The following PTPRK variants were observed in gnomAD, a reference collection of about 807,000 sequenced individuals.
The protein encoded by PTPRK is protein tyrosine phosphatase receptor type K, also known as receptor-type tyrosine-protein phosphatase kappa.
Under a neutral mutation model 178.0 loss-of-function variants are expected in PTPRK, and 75 were observed. That is an observed-to-expected ratio of 0.42 (90% CI 0.35 to 0.51). The LOEUF (loss-of-function observed/expected upper bound fraction) is 0.51, where lower values mean the gene tolerates loss of function less well. Among genes scored for constraint, PTPRK ranks in the 20% least tolerant of loss-of-function variants. The pLI, the probability that PTPRK is intolerant of heterozygous loss-of-function variation, is 0.02. For synonymous variants in PTPRK, 637 were observed against 620.6 expected, an observed-to-expected ratio of 1.03 and a Z score of -0.39; for missense variants, 1,441 against 1,797.8, an observed-to-expected ratio of 0.80 and a Z score of 3.59.
At position 128,130,551 on chromosome 6, in the gene PTPRK, G is replaced by A. The variant is rs1349927597; in HGVS notation, c.1163-40559C>T. Among the ~76,000 whole-genome samples, 5 of 152,248 alleles carry A rather than the reference G, an allele frequency of 3.3e-5. No homozygotes were observed. In the East Asian group the frequency reaches 9.7e-4, roughly 29 times the overall value. ...GTCCACTATCTACACATTAATCCAA[G>A]GTAGTGAGATAAAAATAGTCATTAT... On this transcript the variant is annotated intron_variant, in intron 7 of 29. Coordinates refer to ENST00000368226, the MANE Select transcript of PTPRK (RefSeq NM_002844.4).
chr6:128,030,024 G>GAT (rs1775044959), intron 13 of PTPRK, among the ~76,000 whole-genome samples: 1 of 152,142 alleles, frequency 6.6e-6, no homozygotes, highest in Non-Finnish European at 1.5e-5. Context: ...ACTTCAGCCT[G>GAT]ATGTCACGGG....
intron 11 of PTPRK, among the ~76,000 whole-genome samples, chr6:128,070,621 C>A (rs7757761): frequency 0.84 from 127,417 of 151,836 alleles, 53,663 homozygotes; most frequent in South Asian, 0.97. Context: ...TTAGATGGAA[C>A]GCTAGTTGGA....
chr6:128,166,626 T>A (rs1291801126), intron 7 of PTPRK, among the ~76,000 whole-genome samples: 1 of 151,750 alleles, frequency 6.6e-6, no homozygotes, highest in East Asian at 1.9e-4. Flanking sequence ...ACATTTAGCA[T>A]CAAATCTATG....
intron 2 of PTPRK, among the ~76,000 whole-genome samples, chr6:128,384,516 G>T (rs1838413688): frequency 6.6e-6 from 1 of 152,032 alleles, no homozygotes; most frequent in African/African-American, 2.4e-5. Context: ...GCTATCCTAG[G>T]CCACATGTGG....
chr6:128,153,242 C>T (rs536839106), intron 7 of PTPRK, among the ~76,000 whole-genome samples: 120 of 151,136 alleles, frequency 7.9e-4, no homozygotes, highest in Non-Finnish European at 1.5e-3. Context: ...CAGGATTTCA[C>T]TAAGTTAGAA....
intron 13 of PTPRK, among the ~76,000 whole-genome samples, chr6:128,033,051 A>G (rs1775614470): frequency 6.6e-6 from 1 of 152,212 alleles, no homozygotes; most frequent in African/African-American, 2.4e-5. Context: ...AAGGTAGGTG[A>G]AGATACTACA....
At chr6:128,332,854 C>T (rs1025571230) in intron 2 of PTPRK, among the ~76,000 whole-genome samples, 1 of 152,086 alleles carries the variant, frequency 6.6e-6, no homozygotes, top group African/African-American at 2.4e-5. Flanking sequence ...GCCTCAACGC[C>T]CACTCCAAGA....
intron 6 of PTPRK, among the ~76,000 whole-genome samples, chr6:128,213,104 A>G (rs184313984): frequency 6.6e-6 from 1 of 152,142 alleles, no homozygotes; most frequent in East Asian, 1.9e-4. Flanking sequence ...CAGCTTTGAA[A>G]ATGTATGTTT....
chr6:128,305,832 C>T (rs1332122951), intron 3 of PTPRK, among the ~76,000 whole-genome samples: 1 of 152,190 alleles, frequency 6.6e-6, no homozygotes, highest in Non-Finnish European at 1.5e-5. Context: ...TAATCAATCC[C>T]TCAGTATTTA....
chr6:128,428,960 T>C (rs1300760591), intron 1 of PTPRK, among the ~76,000 whole-genome samples: 4 of 152,250 alleles, frequency 2.6e-5, no homozygotes. Context: ...TAAGGTGGAA[T>C]AAGCTAGGTT....
intron 1 of PTPRK, among the ~76,000 whole-genome samples, chr6:128,484,409 A>G (rs1231557397): frequency 7.2e-5 from 11 of 152,146 alleles, no homozygotes; most frequent in Admixed American, 7.2e-4. Flanking sequence ...GTTAATTTCA[A>G]TCCTGTTTGT....
chr6:127,984,693 T>C (rs1026078025), intron 22 of PTPRK, among the ~76,000 whole-genome samples: 1 of 152,228 alleles, frequency 6.6e-6, no homozygotes, highest in Non-Finnish European at 1.5e-5. Context: ...TGGTCACTTC[T>C]CTTAAACTCA....
At chr6:128,314,672 G>A (rs549260927) in intron 3 of PTPRK, among the ~76,000 whole-genome samples, 2 of 152,178 alleles carry the variant, frequency 1.3e-5, no homozygotes, top group African/African-American at 4.8e-5. Flanking sequence ...ATATTGCAGG[G>A]ACTGAAACTC....
chr6:128,024,863 A>T (rs2114774471), intron 13 of PTPRK, among the ~76,000 whole-genome samples: 1 of 152,278 alleles, frequency 6.6e-6, no homozygotes, highest in African/African-American at 2.4e-5. Flanking sequence ...ATCACTGATA[A>T]TTGCTAGAAT....
chr6:127,995,429 A>C, intron 18 of PTPRK, 33 bp downstream of exon 18: 1 of 1,504,780 alleles, frequency 6.6e-7, no homozygotes, highest in South Asian at 1.2e-5. Context: ...ATAAGCCAAT[A>C]AAGTAGACAT....
intron 24 of PTPRK, among the ~76,000 whole-genome samples, chr6:127,982,397 C>G (rs534409346): frequency 1.6e-4 from 25 of 151,922 alleles, no homozygotes; most frequent in African/African-American, 6.0e-4. Flanking sequence ...CTCAGCCTCC[C>G]GAGTAGCTGG....
intron 7 of PTPRK, among the ~76,000 whole-genome samples, chr6:128,140,057 C>T (rs368690267): frequency 2.0e-5 from 3 of 152,148 alleles, no homozygotes; most frequent in Non-Finnish European, 2.9e-5. Flanking sequence ...GTATAAAATG[C>T]TATTGCACCC....
intron 1 of PTPRK, among the ~76,000 whole-genome samples, chr6:128,491,429 G>A (rs1381873693): frequency 6.6e-6 from 1 of 152,146 alleles, no homozygotes; most frequent in Non-Finnish European, 1.5e-5. Context: ...ATTCCCAGTG[G>A]GACACAAAGG....
At chr6:128,368,389 GA>G (rs67356327) in intron 2 of PTPRK, among the ~76,000 whole-genome samples, 12,670 of 136,734 alleles carry the variant, frequency 0.093, 733 homozygotes, top group Non-Finnish European at 0.14. Flanking sequence ...TGTTAAAAAA[GA>G]AAAAAAAAAA....
Sources: gnomAD v4.1 joint callset for allele counts (sites outside exome capture counted in the v4.1 genomes callset) on GRCh38, gnomAD v4.1.1 for gene constraint, MANE v1.5 for transcripts, NCBI Gene and HGNC (gene_info 2026-07-23, HGNC 2026-07-21) for gene names.